PLPPR1: variants seen among roughly 807,000 people sequenced by gnomAD.
PLPPR1 encodes the protein phospholipid phosphatase related 1.
A neutral mutation model predicts 33.1 loss-of-function variants in PLPPR1; 10 were observed. That is an observed-to-expected ratio of 0.30 (90% CI 0.19 to 0.51). The LOEUF (loss-of-function observed/expected upper bound fraction) is 0.51. Ranked by LOEUF, PLPPR1 falls within the 20% of genes least tolerant of loss-of-function variation. The pLI is 0.97. For synonymous variants in PLPPR1, 151 were observed against 151.0 expected (o/e 1.00, Z 0.00); for missense variants, 304 against 408.1 (o/e 0.74, Z 2.20).
intron 1 of PLPPR1, among the ~76,000 whole-genome samples, chr9:101,052,414 G>T (rs1830232660): frequency 6.6e-6 from 1 of 152,136 alleles, no homozygotes. Flanking sequence ...TACACATCCT[G>T]CAATGCACAG....
At chr9:101,230,073 C>T (rs1159163182) in intron 2 of PLPPR1, among the ~76,000 whole-genome samples, 1 of 152,078 alleles carries the variant, frequency 6.6e-6, no homozygotes, top group Non-Finnish European at 1.5e-5. Flanking sequence ...CCCTCCCTCT[C>T]CTGGAACCAA....
chr9:101,103,174 G>T (rs1429298138), intron 1 of PLPPR1, among the ~76,000 whole-genome samples: 2 of 131,154 alleles, frequency 1.5e-5, no homozygotes, highest in Non-Finnish European at 3.2e-5. Context: ...GTCAATTTTG[G>T]CTTTTGTTAC....
At chr9:101,084,919 G>A (rs1238628399) in intron 1 of PLPPR1, among the ~76,000 whole-genome samples, 2 of 152,164 alleles carry the variant, frequency 1.3e-5, no homozygotes, top group Non-Finnish European at 2.9e-5. Context: ...AAACAGCAAT[G>A]GCAACAAAAA....
At chr9:101,275,608 C>T (rs1320599247) in intron 3 of PLPPR1, among the ~76,000 whole-genome samples, 1 of 152,126 alleles carries the variant, frequency 6.6e-6, no homozygotes, top group Non-Finnish European at 1.5e-5. Flanking sequence ...TGCCTCAGGC[C>T]TTCTGAATAA....
chr9:101,048,809 G>A (rs749617050), intron 1 of PLPPR1, among the ~76,000 whole-genome samples: 18 of 152,134 alleles, frequency 1.2e-4, no homozygotes, highest in Non-Finnish European at 2.4e-4. Flanking sequence ...GTACCCATAG[G>A]CAATGATGCC....
At chr9:101,032,683 A>C (rs1394384186) in intron 1 of PLPPR1, among the ~76,000 whole-genome samples, 2 of 152,214 alleles carry the variant, frequency 1.3e-5, no homozygotes, top group African/African-American at 2.4e-5. Flanking sequence ...GCATTAGAAT[A>C]GTAGAAGATA....
intron 6 of PLPPR1, among the ~76,000 whole-genome samples, chr9:101,316,917 G>T (rs1829064090): frequency 6.6e-6 from 1 of 152,116 alleles, no homozygotes; most frequent in Non-Finnish European, 1.5e-5. Flanking sequence ...GTGACCTTGG[G>T]CAAGTTAGAT....
At chr9:101,292,208 GAATGA>G (rs1269075829) in intron 4 of PLPPR1, among the ~76,000 whole-genome samples, 1 of 152,096 alleles carries the variant, frequency 6.6e-6, no homozygotes, top group African/African-American at 2.4e-5. Context: ...AAAATGAAAT[GAATGA>G]AATGAAGTGA....
chr9:101,264,867 C>T (rs77389197), intron 2 of PLPPR1, among the ~76,000 whole-genome samples: 3,682 of 152,200 alleles, frequency 0.024, 45 homozygotes, highest in Middle Eastern at 0.092. Context: ...TTGTTGATCA[C>T]CTAGCACTAG....
chr9:101,212,386 T>G (rs534231905), intron 2 of PLPPR1, among the ~76,000 whole-genome samples: 1 of 152,136 alleles, frequency 6.6e-6, no homozygotes, highest in Non-Finnish European at 1.5e-5. Context: ...CCCGGCCACA[T>G]CTTTTGCTCT....
intron 1 of PLPPR1, among the ~76,000 whole-genome samples, chr9:101,108,872 A>C (rs1831012651): frequency 6.6e-6 from 1 of 152,042 alleles, no homozygotes; most frequent in Admixed American, 6.5e-5. Flanking sequence ...GAATTAATAA[A>C]TATTTTTTCA....
intron 1 of PLPPR1, among the ~76,000 whole-genome samples, chr9:101,135,607 C>A (rs1247274201): frequency 4.6e-5 from 7 of 152,152 alleles, no homozygotes. Flanking sequence ...TCCCTAAGAT[C>A]TGCTGGTTTG....
At chr9:101,128,813 T>A (rs1307068481) in intron 1 of PLPPR1, among the ~76,000 whole-genome samples, 1 of 152,040 alleles carries the variant, frequency 6.6e-6, no homozygotes, top group Admixed American at 6.5e-5. Flanking sequence ...AATAGAGAGG[T>A]TAAAATGTGT....
chr9:101,123,606 A>G, intron 1 of PLPPR1, among the ~76,000 whole-genome samples: 1 of 152,198 alleles, frequency 6.6e-6, no homozygotes, highest in East Asian at 1.9e-4. Flanking sequence ...TGGTAATCCA[A>G]CAAAGAAATA....
chr9:101,065,677 A>T (rs1830403563), intron 1 of PLPPR1, among the ~76,000 whole-genome samples: 1 of 152,118 alleles, frequency 6.6e-6, no homozygotes. Flanking sequence ...AAACTGTTAG[A>T]TTACTCCAAG....
At chr9:101,030,375 C>T (rs1829930395) in intron 1 of PLPPR1, among the ~76,000 whole-genome samples, 1 of 150,450 alleles carries the variant, frequency 6.6e-6, no homozygotes, top group Admixed American at 6.6e-5. Context: ...TTTCTATGCC[C>T]CTTCTGCTTG....
rs1156707808 is a variant in PLPPR1 at position 101,292,505 on chromosome 9, T to C, written c.385+6269T>C. On this transcript the variant is annotated intron_variant, in intron 4 of 7. Coordinates refer to ENST00000374874, the MANE Select transcript of PLPPR1 (RefSeq NM_207299.2). ...ACATAATTGTCAGATTCACCAAAGT[T>C]GAAATGAAGAAAAAAATGTTAAGGG... Among the ~76,000 whole-genome samples, 7 of 151,260 alleles carry C rather than the reference T, an allele frequency of 4.6e-5. 1 individual carries two copies. The highest frequency in any genetic ancestry group is 1.7e-4 in the African/African-American group (7 of 41,168).
chr9:101,293,005 C>A (rs1206232146), intron 4 of PLPPR1, among the ~76,000 whole-genome samples: 1 of 152,126 alleles, frequency 6.6e-6, no homozygotes, highest in Non-Finnish European at 1.5e-5. Flanking sequence ...AAGACACAGA[C>A]TGGCAAATTG....
chr9:101,062,357 TGCAAATGGG>T (rs2118468973), intron 1 of PLPPR1, among the ~76,000 whole-genome samples: 1 of 152,226 alleles, frequency 6.6e-6, no homozygotes, highest in East Asian at 1.9e-4. Context: ...ATAATAATTG[TGCAAATGGG>T]GCTCATTGAT....
Sources: allele counts gnomAD v4.1 joint callset (sites outside exome capture counted in the v4.1 genomes callset), GRCh38; gene constraint gnomAD v4.1.1; transcripts MANE v1.5; gene names NCBI Gene and HGNC (gene_info 2026-07-23, HGNC 2026-07-21).